Variants in TMTC2 observed in about 807,000 individuals in gnomAD.
TMTC2 encodes protein O-mannosyl-transferase TMTC2.
In TMTC2, 43 loss-of-function variants were observed where a neutral mutation model predicts 82.4. That is an observed-to-expected ratio of 0.52 (90% CI 0.41 to 0.67). TMTC2 has a LOEUF of 0.67. TMTC2 is among the 30% of genes least tolerant of loss of function. The pLI is 0.00. For synonymous variants in TMTC2, 408 were observed against 381.9 expected, an observed-to-expected ratio of 1.07 and a Z score of -0.80; for missense variants, 919 against 1,012.4, an observed-to-expected ratio of 0.91 and a Z score of 1.25.
At chr12:82,935,642 G>A (rs12306733) in intron 4 of TMTC2, among the ~76,000 whole-genome samples, 1 of 151,952 alleles carries the variant, frequency 6.6e-6, no homozygotes, top group Admixed American at 6.6e-5. Context: ...GATTTGTTTC[G>A]GTCTGTTCCA....
At chr12:82,955,055 G>T (rs530096007) in intron 4 of TMTC2, among the ~76,000 whole-genome samples, 2 of 152,262 alleles carry the variant, frequency 1.3e-5, no homozygotes, top group South Asian at 4.1e-4. Flanking sequence ...GAAATGTATT[G>T]TAGTTAGTTG....
chr12:82,930,431 C>A lies in TMTC2; in HGVS notation c.1484C>A (p.Ala495Glu). The A allele has an allele frequency of 6.4e-7, 1 of 1,570,026 alleles. No individual in the cohort carries two copies. The highest frequency in any genetic ancestry group is 1.2e-5 in the South Asian group (1 of 85,946). Residue 495 changes from alanine to glutamate, a missense_variant and splice_region_variant, in exon 4 of 12, where the codon GCA (alanine) becomes GAA (glutamate). Coordinates refer to ENST00000321196, the MANE Select transcript of TMTC2 (RefSeq NM_152588.3). ...RSGIKVNPAK[A>E]WGNLGNVLKS... ...GAAAATTTCTTTTTCTTCTTGGCAG[C>A]ATGGGGTAACCTTGGAAATGTTCTG...
chr12:83,082,752 T>C (rs1265042008), intron 11 of TMTC2, among the ~76,000 whole-genome samples: 2 of 152,172 alleles, frequency 1.3e-5, no homozygotes, highest in Non-Finnish European at 2.9e-5. Context: ...ACAAAGAAAC[T>C]GGGTTTTTGG....
At chr12:83,037,531 G>A (rs1881710488) in intron 9 of TMTC2, among the ~76,000 whole-genome samples, 1 of 152,100 alleles carries the variant, frequency 6.6e-6, no homozygotes, top group African/African-American at 2.4e-5. Flanking sequence ...AATGTTTAGT[G>A]TCCCTTTAAT....
intron 10 of TMTC2, among the ~76,000 whole-genome samples, chr12:83,059,934 G>T (rs141572599): frequency 2.7e-4 from 41 of 151,740 alleles, no homozygotes; most frequent in African/African-American, 9.9e-4. Context: ...CTACCTGCAT[G>T]CCTTTTATTT....
chr12:82,809,437 G>T (rs958718623), intron 1 of TMTC2, among the ~76,000 whole-genome samples: 5 of 152,052 alleles, frequency 3.3e-5, no homozygotes, highest in African/African-American at 1.2e-4. Flanking sequence ...CAGTTTTGTA[G>T]GGTAAAGGAG....
At chr12:82,781,702 G>GTTT (rs1251785252) in intron 1 of TMTC2, among the ~76,000 whole-genome samples, 17 of 126,202 alleles carry the variant, frequency 1.3e-4, no homozygotes, top group African/African-American at 4.2e-4. Context: ...TATTATTATT[G>GTTT]TTTTTTTTTT....
chr12:82,834,881 A>ATT (rs10656983), intron 1 of TMTC2, among the ~76,000 whole-genome samples: 2,878 of 150,236 alleles, frequency 0.019, 85 homozygotes, highest in African/African-American at 0.068. Flanking sequence ...TCATCATTTT[A>ATT]TTATTTTTTT....
intron 1 of TMTC2, among the ~76,000 whole-genome samples, chr12:82,738,510 G>A (rs1210232915): frequency 1.3e-5 from 2 of 152,146 alleles, no homozygotes; most frequent in Non-Finnish European, 2.9e-5. Flanking sequence ...ACCTTAAAGA[G>A]ACACAAATAA....
intron 1 of TMTC2, among the ~76,000 whole-genome samples, chr12:82,732,089 A>C (rs1282295398): frequency 2.0e-5 from 3 of 152,220 alleles, no homozygotes; most frequent in Non-Finnish European, 2.9e-5. Context: ...AAGAATTGTT[A>C]AAATGTTTTA....
At chr12:83,073,881 C>T (rs985630204) in intron 11 of TMTC2, among the ~76,000 whole-genome samples, 1 of 151,950 alleles carries the variant, frequency 6.6e-6, no homozygotes, top group Non-Finnish European at 1.5e-5. Context: ...CCTTTCAATT[C>T]TTATATCAGT....
At position 83,082,957 on chromosome 12, in the gene TMTC2, C is replaced by G. The variant is rs565598479; in HGVS notation, c.2331+21126C>G. Among the ~76,000 whole-genome samples, 4 of 152,276 alleles carry G rather than the reference C, an allele frequency of 2.6e-5. No homozygotes were observed. The East Asian group carries it at 7.7e-4, about 29-fold the overall frequency. On this transcript the variant is annotated intron_variant, in intron 11 of 11. Coordinates refer to ENST00000321196, the MANE Select transcript of TMTC2 (RefSeq NM_152588.3). ...CGCTTAGCAGTTTAGGCTCTGGAATCAAAAGGGTTAAACAGTAAACGGGGC... is the reference window on the plus strand; with the variant it reads ...CGCTTAGCAGTTTAGGCTCTGGAATGAAAAGGGTTAAACAGTAAACGGGGC...
Position 82,734,784 on chromosome 12 carries a change from G to A in TMTC2, c.83+47115G>A, listed in dbSNP as rs531941191. Among the ~76,000 whole-genome samples the A allele has an allele frequency of 9.2e-5, 14 of 152,252 alleles. No homozygotes were observed. In the South Asian group the frequency reaches 2.9e-3, roughly 32 times the overall value. The stretch of plus-strand genomic sequence containing the variant: ...GTCTAGGTCTCTACTTATTTTCTTT[G>A]TTATTATTATCCAACCAATATTTAC... On this transcript the variant is annotated intron_variant, in intron 1 of 11. Coordinates refer to ENST00000321196, the MANE Select transcript of TMTC2 (RefSeq NM_152588.3).
At chr12:82,688,358 GAGA>G (rs1872429960) in intron 1 of TMTC2, among the ~76,000 whole-genome samples, 1 of 152,160 alleles carries the variant, frequency 6.6e-6, no homozygotes, top group African/African-American at 2.4e-5. Context: ...GTACTAATTG[GAGA>G]AGAAGACGCC....
intron 11 of TMTC2, among the ~76,000 whole-genome samples, chr12:83,092,691 A>G (rs1177442174): frequency 1.3e-5 from 2 of 152,166 alleles, no homozygotes; most frequent in Non-Finnish European, 2.9e-5. Context: ...AAATAGAAAT[A>G]CCATCTATGT....
intron 8 of TMTC2, among the ~76,000 whole-genome samples, chr12:82,988,682 T>G (rs999367671): frequency 3.3e-5 from 5 of 151,668 alleles, no homozygotes; most frequent in African/African-American, 1.2e-4. Context: ...ACACAGAGTT[T>G]ACCCCCTTTC....
intron 11 of TMTC2, among the ~76,000 whole-genome samples, chr12:83,085,235 A>G (rs917734992): frequency 3.9e-5 from 6 of 152,238 alleles, no homozygotes; most frequent in Non-Finnish European, 8.8e-5. Flanking sequence ...TTTGCTAACT[A>G]TGCCTCTGAG....
intron 2 of TMTC2, among the ~76,000 whole-genome samples, chr12:82,884,101 C>G (rs539591285): frequency 1.3e-5 from 2 of 152,224 alleles, no homozygotes; most frequent in African/African-American, 4.8e-5. Flanking sequence ...ATGGCACACC[C>G]CTTGCAGTTC....
chr12:82,985,915 C>A lies in TMTC2; in HGVS notation c.1949-10C>A. Reference sequence around the variant, plus strand: ...CTCCCTTTGACCTTCATGATTAATTCTCTTTCCAGGTGAAGCATATATGCG... The same window carrying A: ...CTCCCTTTGACCTTCATGATTAATTATCTTTCCAGGTGAAGCATATATGCG... On this transcript the variant is annotated splice_polypyrimidine_tract_variant and intron_variant, in intron 7 of 11. Coordinates refer to ENST00000321196, the MANE Select transcript of TMTC2 (RefSeq NM_152588.3). 1.2e-6 allele frequency: 2 copies of A among 1,611,336 alleles called. No homozygotes were observed. Among genetic ancestry groups the A allele is most frequent in the Non-Finnish European group, 1.7e-6 (2 of 1,178,070 alleles).
Sources: gnomAD v4.1 joint callset for allele counts (sites outside exome capture counted in the v4.1 genomes callset) on GRCh38, gnomAD v4.1.1 for gene constraint, MANE v1.5 for transcripts, NCBI Gene and HGNC (gene_info 2026-07-23, HGNC 2026-07-21) for gene names.